The following ATP2B4 variants were observed in gnomAD, a reference collection of about 807,000 sequenced individuals.
The protein encoded by ATP2B4 is ATPase plasma membrane Ca2+ transporting 4, also known as plasma membrane calcium-transporting ATPase 4.
Under a neutral mutation model 110.3 loss-of-function variants are expected in ATP2B4, and 39 were observed. The observed-to-expected ratio is 0.35, with a 90% confidence interval of 0.27 to 0.46. ATP2B4 has a LOEUF of 0.46. ATP2B4 is among the 20% of genes least tolerant of loss of function. The probability of loss-of-function intolerance (pLI) is 1.00; values close to 1 mark genes in which losing one functional copy is unlikely to be tolerated. For missense variants in ATP2B4, 1,135 were observed against 1,530.9 expected (o/e 0.74, Z 4.32); for synonymous variants, 538 against 571.7 (o/e 0.94, Z 0.84).
intron 3 of ATP2B4, among the ~76,000 whole-genome samples, chr1:203,699,213 TC>T (rs1665620854): frequency 6.6e-6 from 1 of 152,204 alleles, no homozygotes; most frequent in African/African-American, 2.4e-5. Context: ...ACATGTGACT[TC>T]CCTAAATTTG....
intron 2 of ATP2B4, among the ~76,000 whole-genome samples, chr1:203,691,124 T>C (rs1439257560): frequency 6.6e-6 from 1 of 151,986 alleles, no homozygotes; most frequent in Non-Finnish European, 1.5e-5. Flanking sequence ...ACGAGGAGAG[T>C]AGCTAAGGCT....
At position 203,683,377 on chromosome 1, in the gene ATP2B4, C is replaced by T. The variant is rs373427232; in HGVS notation, c.172C>T (p.Leu58=). Residue 58 remains leucine, a synonymous_variant, in exon 2 of 21, where the codon CTG becomes TTG. Coordinates refer to ENST00000357681, the MANE Select transcript of ATP2B4 (RefSeq NM_001684.5). ...AGGTGTACAGAATCTCTGCAGTAGA[C>T]TGAAAACCTCCCCTGTGGAAGGTAA... ...YGGVQNLCSR[L]KTSPVEGLSG... The T allele has an allele frequency of 1.2e-5, 20 of 1,611,514 alleles. No individual in the cohort carries two copies. Among genetic ancestry groups the T allele is most frequent in the Non-Finnish European group, 1.7e-6 (2 of 1,178,530 alleles).
chr1:203,658,735 G>A (rs1193540659), intron 1 of ATP2B4, among the ~76,000 whole-genome samples: 1 of 152,168 alleles, frequency 6.6e-6, no homozygotes, highest in East Asian at 1.9e-4. Context: ...GCCAGGCATG[G>A]TGGCCCATGC....
At position 203,669,084 on chromosome 1, in the gene ATP2B4, C is replaced by T. The variant is rs141342250; in HGVS notation, c.-464-13658C>T. On this transcript the variant is annotated intron_variant, in intron 1 of 20. Transcript: ENST00000357681. ...TATTTTTTCACTTCCTACAAACCTCCGACCACCATCCCACCATTCTTCCAG... is the reference window on the plus strand; with the variant it reads ...TATTTTTTCACTTCCTACAAACCTCTGACCACCATCCCACCATTCTTCCAG... 3.0e-4 allele frequency among the ~76,000 whole-genome samples: 45 copies of T among 152,248 alleles called. 1 individual carries two copies. In the East Asian group the frequency reaches 7.5e-3, roughly 25 times the overall value.
intron 2 of ATP2B4, among the ~76,000 whole-genome samples, chr1:203,683,666 C>CTTTTTTTTTTTT (rs11326748): frequency 2.9e-3 from 224 of 77,690 alleles, no homozygotes; most frequent in African/African-American, 3.7e-3. Flanking sequence ...TCTTTTGTTT[C>CTTTTTTTTTTTT]TTTTTTTTTT....
intron 2 of ATP2B4, among the ~76,000 whole-genome samples, chr1:203,686,648 A>G (rs1205765800): frequency 7.1e-6 from 1 of 140,560 alleles, no homozygotes; most frequent in East Asian, 2.3e-4. Context: ...TCCTTAGATC[A>G]CAAATATGTG....
chr1:203,679,609 G>A (rs1020327847), intron 1 of ATP2B4, among the ~76,000 whole-genome samples: 1 of 152,140 alleles, frequency 6.6e-6, no homozygotes, highest in Non-Finnish European at 1.5e-5. Flanking sequence ...ATTCTGCCAG[G>A]CGCAGTAGTT....
Position 203,712,016 on chromosome 1 carries a change from A to G in ATP2B4, c.2088A>G (p.Thr696=), listed in dbSNP as rs759927803. 11 of 1,614,072 alleles carry G rather than the reference A, an allele frequency of 6.8e-6. No individual in the cohort carries two copies. Among genetic ancestry groups the G allele is most frequent in the African/African-American group, 4.0e-5 (3 of 74,936 alleles). ...KQAGITVRMV[T]GDNINTARAI... is the part of the protein sequence containing the mutation. ...CTGGCATTACTGTCAGAATGGTGAC[A>G]GGTGACAACATCAACACAGCCCGGG... The change falls in exon 13 of 21, where the codon ACA becomes ACG. Residue 696 remains threonine (T), a synonymous_variant. Coordinates refer to ENST00000357681, the MANE Select transcript of ATP2B4 (RefSeq NM_001684.5).
rs1489499117 is a variant in ATP2B4 at position 203,716,790 on chromosome 1, TC to T, written c.2406+2515del. On this transcript the variant is annotated intron_variant, in intron 15 of 20. Transcript: ENST00000357681. ...AACGTATTATTTTCTTCCTTATATT[TC>T]CTATAAGCAAGTAGTTGGTTCTAGA... Among the ~76,000 whole-genome samples, 2 of 145,510 alleles carry T rather than the reference TC, an allele frequency of 1.4e-5. 1 individual carries two copies. The highest frequency in any genetic ancestry group is 4.1e-4 in the East Asian group (2 of 4,880).
chr1:203,709,686 G>A, intron 11 of ATP2B4, 144 bp downstream of exon 11: 1 of 1,334,182 alleles, frequency 7.5e-7, no homozygotes, highest in Non-Finnish European at 1.0e-6. Context: ...CGTCTACTCA[G>A]GCCACGCATG....
intron 1 of ATP2B4, among the ~76,000 whole-genome samples, chr1:203,652,052 G>A (rs1330288502): frequency 2.7e-4 from 11 of 41,336 alleles, no homozygotes; most frequent in South Asian, 1.9e-3. Flanking sequence ...GCGAGACTCT[G>A]TCTCAAAAAA....
rs192765855 is a variant in ATP2B4 at position 203,707,839 on chromosome 1, G to T, written c.1315-23G>T. 6.0e-4 allele frequency: 965 copies of T among 1,611,174 alleles called. 1 individual carries two copies. The highest frequency in any genetic ancestry group is 8.5e-4 in the Middle Eastern group (5 of 5,856). ...AGAGTCCAGTTAGTCCCCCTCTCAA[G>T]TCTTTTCTCTTCTCCTTTGTAGAAA... On this transcript the variant is annotated intron_variant, in intron 9 of 20. Coordinates refer to ENST00000357681, the MANE Select transcript of ATP2B4 (RefSeq NM_001684.5).
In ATP2B4 at chr1:203,720,854, T is replaced by C. The variant is rs375375501; in HGVS notation, c.2598+114T>C. 1.6e-5 allele frequency: 20 copies of C among 1,268,624 alleles called. No individual in the cohort carries two copies. The African/African-American group carries it at 2.9e-4, about 18-fold the overall frequency. 78.6% of individuals were successfully genotyped at this position (1,268,624 alleles called of 1,614,324 possible). On this transcript the variant is annotated intron_variant, in intron 16 of 20. Coordinates refer to ENST00000357681, the MANE Select transcript of ATP2B4 (RefSeq NM_001684.5). Reference sequence around the variant, plus strand: ...GTAAAGACAGCGTTTCCCCATGACATTGGGACAGGAGTTAGCTCTTCTAAG... The same window carrying C: ...GTAAAGACAGCGTTTCCCCATGACACTGGGACAGGAGTTAGCTCTTCTAAG...
At chr1:203,711,137 C>A (rs761074232) in intron 12 of ATP2B4, 29 bp downstream of exon 12, 4 of 1,605,362 alleles carry the variant, frequency 2.5e-6, no homozygotes, top group South Asian at 1.1e-5. Context: ...ACCCAGGAGT[C>A]TCAGGAAGTG....
intron 1 of ATP2B4, chr1:203,657,862 A>C: frequency 2.8e-6 from 1 of 354,030 alleles, no homozygotes; most frequent in Admixed American, 4.7e-5. Context: ...GGAAAGGGTC[A>C]CCCTTTTTTA....
intron 2 of ATP2B4, among the ~76,000 whole-genome samples, chr1:203,690,964 G>A (rs1243023619): frequency 6.6e-6 from 1 of 152,140 alleles, no homozygotes; most frequent in Non-Finnish European, 1.5e-5. Context: ...CATGCCTAGG[G>A]CTGAATTAGG....
Position 203,667,784 on chromosome 1 carries a change from G to A in ATP2B4, c.-464-14958G>A, listed in dbSNP as rs117558250. Among the ~76,000 whole-genome samples, 441 of 152,302 alleles carry A rather than the reference G, an allele frequency of 2.9e-3. 5 individuals are homozygous for A. In the East Asian group the frequency reaches 0.033, roughly 12 times the overall value. ...GAGGGAGGGAAGACAGCAGCCTGGC[G>A]TGTCCTCAGCTTCTCTGAGGACTTG... On this transcript the variant is annotated intron_variant, in intron 1 of 20. Transcript: ENST00000357681.
intron 8 of ATP2B4, among the ~76,000 whole-genome samples, chr1:203,705,974 C>T (rs1398622140): frequency 6.6e-6 from 1 of 152,100 alleles, no homozygotes; most frequent in Non-Finnish European, 1.5e-5. Flanking sequence ...GCTTGGAGGC[C>T]CCCGAATCAT....
In ATP2B4 at chr1:203,722,478, G is replaced by C; in HGVS notation, c.2813G>C (p.Gly938Ala). The C allele has an allele frequency of 6.2e-7, 1 of 1,611,176 alleles. No individual in the cohort carries two copies. Among genetic ancestry groups the C allele is most frequent in the Non-Finnish European group, 8.5e-7 (1 of 1,177,338 alleles). The change falls in exon 18 of 21, where the codon GGT becomes GCT. Residue 938 changes from glycine to alanine, a missense_variant and splice_region_variant. Around this residue, in one of 9 missense-constraint regions of ATP2B4, gnomAD observed 155 missense variants for 186.2 expected, o/e 0.83. Transcript: ENST00000357681. The part of the protein sequence containing the change: ...LIVIFILVFA[G>A]EKFFDIDSGR... ...CCAGTGCTTCTCCTCTCCCCACTAG[G>C]TGAGAAATTCTTTGATATTGATAGT...
Sources: allele counts gnomAD v4.1 joint callset (sites outside exome capture counted in the v4.1 genomes callset), GRCh38; gene constraint gnomAD v4.1.1; regional missense constraint gnomAD v4.1.1; transcripts MANE v1.5; gene names NCBI Gene and HGNC (gene_info 2026-07-23, HGNC 2026-07-21).